ATG2A: variants seen among roughly 807,000 people sequenced by gnomAD.
ATG2A encodes autophagy-related protein 2 homolog A.
A neutral mutation model predicts 214.2 loss-of-function variants in ATG2A; 103 were observed. The observed-to-expected ratio is 0.48, with a 90% confidence interval of 0.41 to 0.57. The LOEUF is 0.57. Ranked by LOEUF, ATG2A falls within the 20% of genes least tolerant of loss-of-function variation. The probability of loss-of-function intolerance (pLI) is 0.00; values close to 1 mark genes in which losing one functional copy is unlikely to be tolerated. For synonymous variants in ATG2A, 1,160 were observed against 1,142.1 expected (o/e 1.02, Z -0.32); for missense variants, 2,312 against 2,613.2 (o/e 0.88, Z 2.51).
rs1944100307 is a variant in ATG2A at position 64,895,084 on chromosome 11, G to T, written c.5706C>A (p.Ile1902=). The change falls in exon 41 of 41, where the codon ATC becomes ATA. Residue 1902 remains isoleucine, a synonymous_variant. Coordinates refer to ENST00000377264, the MANE Select transcript of ATG2A (RefSeq NM_015104.3). The surrounding 1 kb of genome is among the most constrained non-coding windows in gnomAD (Gnocchi z 5.0). The stretch of plus-strand genomic sequence containing the variant: ...GGCTGGACGTGGCCTCCGTGGCCAG[G>T]ATGAGCGGCTTCACCACAGTCGGGG... ...QLPPTVVKPL[I]LATEATSSLL... 6.2e-7 allele frequency: 1 copy of T among 1,612,898 alleles called. No homozygotes were observed. The highest frequency in any genetic ancestry group is 1.1e-5 in the South Asian group (1 of 91,072).
chr11:64,915,132 ACC>A lies in ATG2A; in HGVS notation c.172-634_172-633del, dbSNP rs34205615. Among the ~76,000 whole-genome samples, 205 of 36,582 alleles carry A rather than the reference ACC, an allele frequency of 5.6e-3. 4 individuals carry two copies. Among genetic ancestry groups the A allele is most frequent in the Middle Eastern group, 0.016 (2 of 126 alleles). 24.0% of individuals were successfully genotyped at this position (36,582 alleles called of 152,430 possible). The stretch of plus-strand genomic sequence containing the variant: ...AGGGGCTGACCTAATGCCAGATGGG[ACC>A]CCCCCCCCCCACCACCAACCCCAAA... On this transcript the variant is annotated intron_variant, in intron 1 of 40. Transcript: ENST00000377264.
chr11:64,910,480 G>C, intron 12 of ATG2A, 136 bp downstream of exon 12: 1 of 1,126,932 alleles, frequency 8.9e-7, no homozygotes, highest in Non-Finnish European at 1.3e-6. Context: ...GCAGGTATTT[G>C]AGGGCCCCAG....
chr11:64,907,272 C>A lies in ATG2A; in HGVS notation c.2815G>T (p.Ala939Ser). 1 of 1,520,816 alleles carries A rather than the reference C, an allele frequency of 6.6e-7. No individual in the cohort carries two copies. 94.2% of individuals were successfully genotyped at this position (1,520,816 alleles called of 1,614,324 possible). A position where few individuals can be genotyped will look rare whatever the true frequency, so the allele number is the denominator to read the frequency against. The part of the protein sequence containing the change: ...LVTVLKGRIT[A>S]LCETKDEGGK... ...GCACTCACCTTGGTCTCACAGAGGG[C>A]TGTGATCCGCCCCTTCAGCACTGTC... Residue 939 changes from alanine to serine, a missense_variant, in exon 19 of 41, where the codon GCC becomes TCC. Coordinates refer to ENST00000377264, the MANE Select transcript of ATG2A (RefSeq NM_015104.3).
Position 64,899,006 on chromosome 11 carries a change from C to T in ATG2A, c.4465-164G>A, listed in dbSNP as rs1204941882. Among the ~76,000 whole-genome samples the T allele has an allele frequency of 5.3e-5, 8 of 152,182 alleles. No individual in the cohort carries two copies. In the East Asian group the frequency reaches 9.6e-4, roughly 18 times the overall value. On this transcript the variant is annotated intron_variant, in intron 31 of 40. Coordinates refer to ENST00000377264, the MANE Select transcript of ATG2A (RefSeq NM_015104.3). ...TCGGCTCACTGCAACCTCTGCCTCT[C>T]GGGTTCAAGCGATTCTCCTGCCTCA... is the stretch of plus-strand genomic sequence containing the variant.
rs2136604707 is a variant in ATG2A at position 64,907,854 on chromosome 11, A to T, written c.2401T>A (p.Phe801Ile). Residue 801 changes from phenylalanine (F) to isoleucine (I), a missense_variant, in exon 17 of 41, where the codon TTC becomes ATC. By Grantham distance (21) the Phe-to-Ile change is conservative. Transcript: ENST00000377264. ...GACAGTGCCAGGGTCCGGCTCTGGA[A>T]CGTCCTCATCTCCTCAGGGTCTCCA... ...IPGDPEEMRT[F>I]QSRTLALSRC... 6.2e-7 allele frequency: 1 copy of T among 1,613,126 alleles called. No homozygotes were observed. Among genetic ancestry groups the T allele is most frequent in the Non-Finnish European group, 8.5e-7 (1 of 1,179,894 alleles).
rs769809437 is a variant in ATG2A, at chr11:64,910,672, A to G, written c.1651T>C (p.Ser551Pro). ...CGCAGATGGGCGCAGGGCCGAGCTG[A>G]GGCCTGGGAGCCCAGCGTACCAGGA... The part of the protein sequence containing the change: ...TFPGTLGSQA[S>P]ARPCAHLRHT... Residue 551 changes from serine (S) to proline (P), a missense_variant, in exon 12 of 41, where the codon TCA (serine) becomes CCA (proline). Coordinates refer to ENST00000377264, the MANE Select transcript of ATG2A (RefSeq NM_015104.3). 4.3e-5 allele frequency: 69 copies of G among 1,610,216 alleles called. No homozygotes were observed. The highest frequency in any genetic ancestry group is 5.7e-5 in the Non-Finnish European group (67 of 1,178,564).
In ATG2A at chr11:64,894,978, C is replaced by A. The variant is rs1944095922; in HGVS notation, c.5812G>T (p.Asp1938Tyr). Residue 1938 changes from aspartate (D) to tyrosine (Y), a missense_variant, in exon 41 of 41, where the codon GAC becomes TAC. By Grantham distance (160) the Asp-to-Tyr change is radical. Coordinates refer to ENST00000377264, the MANE Select transcript of ATG2A (RefSeq NM_015104.3). ...ALKWRSDSAQ[D>Y] ...GGGTGCCGGGCACCCCAGGCTCAGT[C>A]TTGGGCACTGTCCGAGCGCCACTTG... The A allele has an allele frequency of 1.4e-5, 23 of 1,612,072 alleles. 1 individual carries two copies. Among genetic ancestry groups the A allele is most frequent in the Non-Finnish European group, 1.9e-5 (22 of 1,179,046 alleles).
rs939441859 is a variant in ATG2A at position 64,898,544 on chromosome 11, G to A, written c.4671+92C>T. The A allele has an allele frequency of 2.1e-6, 3 of 1,463,388 alleles. No individual in the cohort carries two copies. Among genetic ancestry groups the A allele is most frequent in the South Asian group, 1.2e-5 (1 of 83,504 alleles). The allele number at this position is 1,463,388 out of a possible 1,614,324, so 90.7% of individuals were successfully genotyped here. A position where few individuals can be genotyped will look rare whatever the true frequency, so the allele number is the denominator to read the frequency against. On this transcript the variant is annotated intron_variant, in intron 32 of 40. Coordinates refer to ENST00000377264, the MANE Select transcript of ATG2A (RefSeq NM_015104.3). This position sits in a 1 kb window ranked among gnomAD's most constrained non-coding sequence, Gnocchi z 4.5. The stretch of plus-strand genomic sequence containing the variant: ...ACAACCTGGGTGTTTGTGTGGGAAT[G>A]CGTGTATGTGTGTGAATCCATGCAT...
At position 64,898,059 on chromosome 11, in the gene ATG2A, G is replaced by T; in HGVS notation, c.4858+27C>A. ...GTCCTGGGAGGCAGAAGGCCCAGAC[G>T]CTCCCCTCCCTGGCCCAGCCTCTCA... is the stretch of plus-strand genomic sequence containing the variant. On this transcript the variant is annotated intron_variant, in intron 34 of 40. Coordinates refer to ENST00000377264, the MANE Select transcript of ATG2A (RefSeq NM_015104.3). This position sits in a 1 kb window ranked among gnomAD's most constrained non-coding sequence, Gnocchi z 4.5. 1 of 1,612,428 alleles carries T rather than the reference G, an allele frequency of 6.2e-7. No individual in the cohort carries two copies. The highest frequency in any genetic ancestry group is 8.5e-7 in the Non-Finnish European group (1 of 1,179,426).
At chr11:64,912,737 G>GC (rs1248323256) in intron 6 of ATG2A, 7 of 454,088 alleles carry the variant, frequency 1.5e-5, no homozygotes, top group Admixed American at 8.1e-5. Context: ...GGGATTACAG[G>GC]CATGTGCCAC....
chr11:64,910,352 T>G (rs988341204), intron 12 of ATG2A, among the ~76,000 whole-genome samples, 157 bp from the exon 13 acceptor site: 1 of 152,166 alleles, frequency 6.6e-6, no homozygotes, highest in Non-Finnish European at 1.5e-5. Context: ...AATGTGCTTG[T>G]TTACTTATAA....
intron 31 of ATG2A, among the ~76,000 whole-genome samples, chr11:64,899,217 C>G (rs1467718518): frequency 3.3e-5 from 5 of 152,180 alleles, no homozygotes; most frequent in Admixed American, 3.3e-4. Flanking sequence ...TACCCCTTCT[C>G]TATTCTATGC....
At position 64,900,632 on chromosome 11, in the gene ATG2A, G is replaced by A; in HGVS notation, c.4329-3C>T. On this transcript the variant is annotated splice_polypyrimidine_tract_variant and splice_region_variant and intron_variant, in intron 30 of 40. Transcript: ENST00000377264. ...GACCTGAGAGGCCAGTTCTTGCCCT[G>A]GGAAGAGGGACAGGGGCCAAGCTGA... is the stretch of plus-strand genomic sequence containing the variant. 1.3e-6 allele frequency: 2 copies of A among 1,599,006 alleles called. No homozygotes were observed. The highest frequency in any genetic ancestry group is 1.3e-5 in the African/African-American group (1 of 74,686).
At position 64,908,979 on chromosome 11, in the gene ATG2A, G is replaced by A. The variant is rs1440862546; in HGVS notation, c.2364+12C>T. 1.3e-6 allele frequency: 2 copies of A among 1,560,406 alleles called. No homozygotes were observed. Among genetic ancestry groups the A allele is most frequent in the African/African-American group, 1.4e-5 (1 of 73,832 alleles). ...GGAGGGGGTCCTGGGAAGAGGTGGG[G>A]CCAAGTCTCACCTCCTCTGTCTCAT... On this transcript the variant is annotated intron_variant, in intron 16 of 40. Transcript: ENST00000377264.
rs1437825942 is a variant in ATG2A, at chr11:64,914,069, G to C, written c.487+12C>G. 6.5e-7 allele frequency: 1 copy of C among 1,536,852 alleles called. No homozygotes were observed. The highest frequency in any genetic ancestry group is 1.2e-5 in the South Asian group (1 of 82,332). ...GGGCAGGAGACAGGGCGGCCAGGAG[G>C]GGCCTGCTCACCAGTCTCAATGGTC... is the stretch of plus-strand genomic sequence containing the variant. On this transcript the variant is annotated intron_variant, in intron 3 of 40. Transcript: ENST00000377264.
Position 64,906,509 on chromosome 11 carries a change from G to C in ATG2A, c.3008C>G (p.Pro1003Arg), listed in dbSNP as rs781248881. Residue 1003 changes from proline (P) to arginine (R), a missense_variant, in exon 21 of 41, where the codon CCC becomes CGC. Coordinates refer to ENST00000377264, the MANE Select transcript of ATG2A (RefSeq NM_015104.3). ...HRAAVDDYPL[P>R]SHLDLPSFAP... ...GAAACTGGGAAGGTCCAGGTGACTG[G>C]GCAGCGGGTAGTCATCCACGGCCGC... 6 of 1,613,216 alleles carry C rather than the reference G, an allele frequency of 3.7e-6. No homozygotes were observed. The Admixed American group carries it at 6.7e-5, about 18-fold the overall frequency.
Position 64,894,799 on chromosome 11 carries a change from C to T in ATG2A, c.*174G>A. On this transcript the variant is annotated 3_prime_UTR_variant, in exon 41 of 41. Coordinates refer to ENST00000377264, the MANE Select transcript of ATG2A (RefSeq NM_015104.3). ...AAAGTGCAGAGCCAGGGCTAAGGCC[C>T]CAAGGCAGGGAGGCCCCCCTCTCAC... 2.4e-6 allele frequency: 2 copies of T among 841,040 alleles called. No individual in the cohort carries two copies. The allele number at this position is 841,040 out of a possible 1,614,324, so 52.1% of individuals were successfully genotyped here.
intron 1 of ATG2A, among the ~76,000 whole-genome samples, chr11:64,916,471 T>C (rs1388648195): frequency 6.6e-6 from 1 of 152,084 alleles, no homozygotes; most frequent in Non-Finnish European, 1.5e-5. Flanking sequence ...ATCCGGTGGT[T>C]TGTTGATCCC....
intron 1 of ATG2A, 46 bp from the exon 2 acceptor site, chr11:64,914,546 C>G: frequency 6.3e-7 from 1 of 1,594,946 alleles, no homozygotes; most frequent in Non-Finnish European, 8.5e-7. Flanking sequence ...AACCCCAAAT[C>G]CCACAGGCTG....
Sources: gnomAD v4.1 joint callset for allele counts (sites outside exome capture counted in the v4.1 genomes callset) on GRCh38, gnomAD v4.1.1 for gene constraint, Gnocchi (gnomAD v3.1) non-coding constraint, MANE v1.5 for transcripts, NCBI Gene and HGNC (gene_info 2026-07-23, HGNC 2026-07-21) for gene names.